The following CCNY variants were observed in gnomAD, a reference collection of about 807,000 sequenced individuals.
CCNY encodes the protein cyclin-Y.
In CCNY, 19 loss-of-function variants were observed where a neutral mutation model predicts 42.8. The observed-to-expected ratio is 0.44, with a 90% CI of 0.31 to 0.65. CCNY has a LOEUF of 0.65. CCNY is among the 30% of genes least tolerant of loss of function. The pLI is 0.07. For synonymous variants in CCNY, 165 were observed against 162.7 expected (o/e 1.01, Z -0.11); for missense variants, 370 against 437.3 (o/e 0.85, Z 1.37).
At chr10:35,428,889 AC>A (rs1209651200) in intron 1 of CCNY, among the ~76,000 whole-genome samples, 1 of 152,172 alleles carries the variant, frequency 6.6e-6, no homozygotes, top group East Asian at 1.9e-4. Flanking sequence ...AGTACCCTGA[AC>A]CCACTCTAGG....
intron 2 of CCNY, among the ~76,000 whole-genome samples, chr10:35,496,716 T>G (rs986934137): frequency 1.2e-4 from 18 of 152,196 alleles, no homozygotes; most frequent in African/African-American, 4.3e-4. Flanking sequence ...AGGTAATCTT[T>G]TAAATGCCTA....
At chr10:35,567,048 C>T (rs536912012) in intron 9 of CCNY, among the ~76,000 whole-genome samples, 20 of 152,236 alleles carry the variant, frequency 1.3e-4, no homozygotes, top group Non-Finnish European at 2.1e-4. Context: ...CTTACCTTTA[C>T]GGACAGGTTT....
intron 3 of CCNY, among the ~76,000 whole-genome samples, chr10:35,276,170 G>A (rs1835236966): frequency 6.6e-6 from 1 of 152,158 alleles, no homozygotes; most frequent in Non-Finnish European, 1.5e-5. Context: ...GCTACCTTTA[G>A]CCTCCTAACC....
intron 1 of CCNY, among the ~76,000 whole-genome samples, chr10:35,424,753 G>T (rs1027373390): frequency 6.6e-6 from 1 of 152,172 alleles, no homozygotes. Flanking sequence ...GTTCCCAAGT[G>T]TGCCTGGCCA....
intron 1 of CCNY, among the ~76,000 whole-genome samples, chr10:35,380,660 G>A (rs1837162964): frequency 6.6e-6 from 1 of 152,120 alleles, no homozygotes; most frequent in Non-Finnish European, 1.5e-5. Flanking sequence ...GCCTTTTGGG[G>A]TTAGATACAA....
intron 2 of CCNY, among the ~76,000 whole-genome samples, chr10:35,493,554 T>C (rs149276103): frequency 1.6e-4 from 25 of 152,352 alleles, no homozygotes; most frequent in Non-Finnish European, 2.9e-4. Context: ...GGCAGCTGAA[T>C]TTCAGGATAA....
intron 7 of CCNY, among the ~76,000 whole-genome samples, chr10:35,545,887 A>G (rs931940785): frequency 6.6e-6 from 1 of 152,198 alleles, no homozygotes; most frequent in African/African-American, 2.4e-5. Context: ...CAAATGTGAA[A>G]CTGGCAGAAA....
At chr10:35,494,666 T>C (rs1369560725) in intron 2 of CCNY, among the ~76,000 whole-genome samples, 1 of 152,218 alleles carries the variant, frequency 6.6e-6, no homozygotes, top group African/African-American at 2.4e-5. Flanking sequence ...GAAAAAGGAT[T>C]AATGCCTTTA....
At chr10:35,285,174 T>TA (rs1835338830) in intron 3 of CCNY, among the ~76,000 whole-genome samples, 1 of 151,988 alleles carries the variant, frequency 6.6e-6, no homozygotes, top group African/African-American at 2.4e-5. Flanking sequence ...ACACCACCTG[T>TA]AATTACCCAG....
chr10:35,447,536 G>A (rs765286167), intron 1 of CCNY, among the ~76,000 whole-genome samples: 5 of 152,050 alleles, frequency 3.3e-5, no homozygotes, highest in Non-Finnish European at 4.4e-5. Flanking sequence ...TTACCTGCAC[G>A]TTTCCATTTC....
At chr10:35,307,681 C>T (rs113667889) in intron 3 of CCNY, among the ~76,000 whole-genome samples, 11 of 137,748 alleles carry the variant, frequency 8.0e-5, no homozygotes, top group Non-Finnish European at 1.6e-5. Context: ...TATATATATA[C>T]GTGTATATCT....
chr10:35,319,337 A>G (rs1322519221), intron 3 of CCNY, among the ~76,000 whole-genome samples: 1 of 152,166 alleles, frequency 6.6e-6, no homozygotes, highest in Non-Finnish European at 1.5e-5. Context: ...TATGATCGCT[A>G]CTGTATTCCA....
intron 4 of CCNY, 151 bp downstream of exon 4, chr10:35,516,774 G>A (rs1840440416): frequency 3.6e-6 from 2 of 559,078 alleles, no homozygotes; most frequent in Non-Finnish European, 6.2e-6. Flanking sequence ...TTGGATGGGT[G>A]GGAGTAGGGG....
At chr10:35,466,098 C>T (rs1017678940) in intron 1 of CCNY, among the ~76,000 whole-genome samples, 10 of 151,926 alleles carry the variant, frequency 6.6e-5, no homozygotes, top group Admixed American at 1.3e-4. Context: ...ACTAATTTAC[C>T]GGCTCATTTC....
chr10:35,501,595 T>C, intron 3 of CCNY, 60 bp downstream of exon 3: 1 of 1,417,490 alleles, frequency 7.1e-7, no homozygotes, highest in Non-Finnish European at 1.0e-6. Context: ...AGAGCTAAAA[T>C]AACTGTCTGT....
chr10:35,487,680 A>T (rs1839815383), intron 2 of CCNY, among the ~76,000 whole-genome samples: 1 of 152,136 alleles, frequency 6.6e-6, no homozygotes, highest in African/African-American at 2.4e-5. Flanking sequence ...CTGGTTAAGT[A>T]GCCTGCTCAT....
chr10:35,352,602 G>A lies in CCNY; in HGVS notation c.154+15395G>A, dbSNP rs141217053. On this transcript the variant is annotated intron_variant, in intron 1 of 9. Transcript: ENST00000374704. ...ACCATTGGTCAGTCCAAGTTCTGCC[G>A]TCCAGCCTCCCTGCTGGATGCTGGG... 4.8e-4 allele frequency among the ~76,000 whole-genome samples: 73 copies of A among 152,316 alleles called. 1 individual carries two copies. In the East Asian group the frequency reaches 0.011, roughly 23 times the overall value.
chr10:35,374,431 C>T (rs1245913956), intron 1 of CCNY, among the ~76,000 whole-genome samples: 2 of 152,196 alleles, frequency 1.3e-5, no homozygotes, highest in Non-Finnish European at 2.9e-5. Flanking sequence ...CCCTGTTGAT[C>T]TCCACGGCCA....
intron 1 of CCNY, among the ~76,000 whole-genome samples, chr10:35,433,150 G>A (rs1235153036): frequency 6.6e-6 from 1 of 152,098 alleles, no homozygotes; most frequent in Non-Finnish European, 1.5e-5. Context: ...TTAAAGACCA[G>A]CCTGGGCAAC....
Sources: gnomAD v4.1 joint callset for allele counts (sites outside exome capture counted in the v4.1 genomes callset) on GRCh38, gnomAD v4.1.1 for gene constraint, MANE v1.5 for transcripts, NCBI Gene and HGNC (gene_info 2026-07-23, HGNC 2026-07-21) for gene names.